Variants in NFAM1 observed in about 807,000 individuals in gnomAD.
NFAM1 encodes NFAT activating protein with ITAM motif 1.
NFAM1 carries 17 observed loss-of-function variants against 29.0 expected under a neutral mutation model. The ratio of observed to expected loss-of-function variants is 0.59; its 90% CI spans 0.40 to 0.88. NFAM1 has a LOEUF of 0.88. Among genes scored for constraint, NFAM1 ranks in the 40% least tolerant of loss-of-function variants. The pLI is 0.00. For missense variants in NFAM1, 324 were observed against 344.6 expected (o/e 0.94, Z 0.47); for synonymous variants, 175 against 147.2 (o/e 1.19, Z -1.36).
chr22:42,406,188 C>T (rs7291766), intron 3 of NFAM1, among the ~76,000 whole-genome samples: 2 of 135,424 alleles, frequency 1.5e-5, no homozygotes, highest in Non-Finnish European at 3.3e-5. Context: ...CGCCTCACCC[C>T]CCGAGGGAGC....
chr22:42,423,549 T>TTAAATAAATAAATAAATAAA (rs1569235801), intron 1 of NFAM1, among the ~76,000 whole-genome samples: 1 of 135,048 alleles, frequency 7.4e-6, no homozygotes, highest in African/African-American at 3.1e-5. Flanking sequence ...ACCCCATTTC[T>TTAAATAAATAAATAAATAAA]GAAATAAATA....
rs1334361910 is a variant in NFAM1, at chr22:42,382,485, A to C, written c.*2676T>G. On this transcript the variant is annotated 3_prime_UTR_variant, in exon 6 of 6. Transcript: ENST00000329021. The stretch of plus-strand genomic sequence containing the variant: ...AGGCCACCCAGCCTGGGTGGGTCTC[A>C]AAAGCAATTTTCTTCTCTTCCCTCC... 6.6e-6 allele frequency: 1 copy of C among 152,004 alleles called. No homozygotes were observed. Among genetic ancestry groups the C allele is most frequent in the Non-Finnish European group, 1.5e-5 (1 of 67,988 alleles). 9.4% of individuals were successfully genotyped at this position (152,004 alleles called of 1,614,324 possible). A position where few individuals can be genotyped will look rare whatever the true frequency, so the allele number is the denominator to read the frequency against.
intron 4 of NFAM1, among the ~76,000 whole-genome samples, chr22:42,394,430 G>A (rs1431992635): frequency 6.6e-6 from 1 of 152,150 alleles, no homozygotes; most frequent in Non-Finnish European, 1.5e-5. Context: ...CTGGGCTCAA[G>A]CAATCCTCCT....
Position 42,385,215 on chromosome 22 carries a change from T to A in NFAM1, c.759A>T (p.Arg253Ser), listed in dbSNP as rs1440555942. 6.2e-7 allele frequency: 1 copy of A among 1,606,582 alleles called. No individual in the cohort carries two copies. The highest frequency in any genetic ancestry group is 8.5e-7 in the Non-Finnish European group (1 of 1,173,200). ...TAKQSPLSQERPHRFEDDGEL... is the reference protein window; with the variant it reads ...TAKQSPLSQESPHRFEDDGEL... Reference sequence around the variant, plus strand: ...CGCCATCATCTTCGAATCTATGCGGTCTCTCCTGGATAGAAAAGAAGAAAG... The same window carrying A: ...CGCCATCATCTTCGAATCTATGCGGACTCTCCTGGATAGAAAAGAAGAAAG... Residue 253 changes from arginine to serine, a missense_variant, in exon 6 of 6, where the codon AGA becomes AGT. By Grantham distance (110) the Arg-to-Ser change is moderately radical. Transcript: ENST00000329021.
intron 4 of NFAM1, among the ~76,000 whole-genome samples, chr22:42,389,873 G>A (rs972202260): frequency 6.6e-6 from 1 of 152,208 alleles, no homozygotes; most frequent in Non-Finnish European, 1.5e-5. Flanking sequence ...TAGTGTCCCT[G>A]GGCCTGGACC....
chr22:42,385,260 G>T, intron 5 of NFAM1, 40 bp from the exon 6 acceptor site: 1 of 1,380,180 alleles, frequency 7.2e-7, no homozygotes, highest in Non-Finnish European at 1.0e-6. Context: ...GAGAGAAAGA[G>T]AGAGAATGAC....
At chr22:42,399,141 G>A (rs9623578) in intron 3 of NFAM1, among the ~76,000 whole-genome samples, 10 of 152,094 alleles carry the variant, frequency 6.6e-5, no homozygotes, top group East Asian at 1.9e-4. Context: ...CTGGAGGCAC[G>A]TGGAGAAGGT....
In NFAM1 at chr22:42,420,542, G is replaced by C. The variant is rs367690119; in HGVS notation, c.122-8806C>G. On this transcript the variant is annotated intron_variant, in intron 1 of 5. Coordinates refer to ENST00000329021, the MANE Select transcript of NFAM1 (RefSeq NM_145912.8). ...GCACTTTGGGAGGCCAAGGCAGGTG[G>C]ATCACTAGAGGTCAGGAGTTCAAGA... Among the ~76,000 whole-genome samples, 1,410 of 152,006 alleles carry C rather than the reference G, an allele frequency of 9.3e-3. 25 individuals are homozygous for C. Among genetic ancestry groups the C allele is most frequent in the African/African-American group, 0.032 (1,325 of 41,458 alleles).
intron 4 of NFAM1, among the ~76,000 whole-genome samples, chr22:42,392,399 T>A (rs1342600781): frequency 6.6e-6 from 1 of 150,464 alleles, no homozygotes; most frequent in Non-Finnish European, 1.5e-5. Context: ...CAATGTGGAG[T>A]CAATGGTGAC....
intron 1 of NFAM1, 35 bp downstream of exon 1, chr22:42,432,202 G>C: frequency 6.5e-7 from 1 of 1,539,770 alleles, no homozygotes; most frequent in South Asian, 1.2e-5. Context: ...GTTCTGGAGC[G>C]AGAGAGTAGA....
intron 4 of NFAM1, among the ~76,000 whole-genome samples, chr22:42,397,032 G>T (rs906555054): frequency 6.6e-6 from 1 of 150,506 alleles, no homozygotes; most frequent in Non-Finnish European, 1.5e-5. Flanking sequence ...CCACCTGGCG[G>T]TGCCAGATCT....
At chr22:42,418,482 A>G (rs1231975908) in intron 1 of NFAM1, among the ~76,000 whole-genome samples, 2 of 152,182 alleles carry the variant, frequency 1.3e-5, no homozygotes, top group Non-Finnish European at 2.9e-5. Context: ...ACATGAGGTC[A>G]GAAGTTCAAG....
intron 1 of NFAM1, among the ~76,000 whole-genome samples, chr22:42,412,291 C>A (rs1035804012): frequency 6.6e-6 from 1 of 152,128 alleles, no homozygotes; most frequent in Non-Finnish European, 1.5e-5. Context: ...TCTGCAGGTG[C>A]AGCCCCTACC....
At chr22:42,399,568 G>T (rs1929658712) in intron 3 of NFAM1, among the ~76,000 whole-genome samples, 1 of 152,144 alleles carries the variant, frequency 6.6e-6, no homozygotes, top group South Asian at 2.1e-4. Context: ...GCTGCATGAA[G>T]AGCATAGGAA....
rs562864203 is a variant in NFAM1 at position 42,409,128 on chromosome 22, C to T, written c.564+307G>A. ...AAAACCTGAGCAGGGATTCCCTAAT[C>T]TGGGGAGCTAGAAATGGTAGGCAGG... On this transcript the variant is annotated intron_variant, in intron 3 of 5. Transcript: ENST00000329021. The surrounding 1 kb of genome is among the most constrained non-coding windows in gnomAD (Gnocchi z 4.9). Among the ~76,000 whole-genome samples the T allele has an allele frequency of 1.3e-5, 2 of 152,306 alleles. No individual in the cohort carries two copies. Among genetic ancestry groups the T allele is most frequent in the South Asian group, 4.1e-4 (2 of 4,830 alleles).
intron 3 of NFAM1, among the ~76,000 whole-genome samples, chr22:42,407,899 T>TTC (rs1192207346): frequency 6.9e-6 from 1 of 145,034 alleles, no homozygotes; most frequent in African/African-American, 2.7e-5. Context: ...GCAGACAGAT[T>TTC]TCTCTTTTTT....
rs1344708104 is a variant in NFAM1, at chr22:42,385,028, G to C, written c.*133C>G. 3 of 750,038 alleles carry C rather than the reference G, an allele frequency of 4.0e-6. No homozygotes were observed. Among genetic ancestry groups the C allele is most frequent in the South Asian group, 1.5e-5 (1 of 68,836 alleles). 46.5% of individuals were successfully genotyped at this position (750,038 alleles called of 1,614,324 possible). ...CAGTGGGGCCGGCCAAGACAGGAAG[G>C]GCCTTGAATGTGAGGGTGAAATGAT... On this transcript the variant is annotated 3_prime_UTR_variant, in exon 6 of 6. Coordinates refer to ENST00000329021, the MANE Select transcript of NFAM1 (RefSeq NM_145912.8).
chr22:42,383,462 C>T lies in NFAM1; in HGVS notation c.*1699G>A, dbSNP rs1346366728. 6.5e-6 allele frequency: 1 copy of T among 152,862 alleles called. No homozygotes were observed. Among genetic ancestry groups the T allele is most frequent in the African/African-American group, 2.4e-5 (1 of 41,578 alleles). The allele number at this position is 152,862 out of a possible 1,614,324, so 9.5% of individuals were successfully genotyped here. On this transcript the variant is annotated 3_prime_UTR_variant, in exon 6 of 6. Coordinates refer to ENST00000329021, the MANE Select transcript of NFAM1 (RefSeq NM_145912.8). ...CCAGCCTCTGGGAGCAGGGGCCTTG[C>T]CACTCGGTTATGTGAGCCTGCTAAA... is the stretch of plus-strand genomic sequence containing the variant.
At chr22:42,394,626 T>C (rs1929456847) in intron 4 of NFAM1, among the ~76,000 whole-genome samples, 1 of 152,206 alleles carries the variant, frequency 6.6e-6, no homozygotes, top group Admixed American at 6.5e-5. Flanking sequence ...GGGAAGTTCA[T>C]ACTGTAAGTG....
Sources: gnomAD v4.1 joint callset for allele counts (sites outside exome capture counted in the v4.1 genomes callset) on GRCh38, gnomAD v4.1.1 for gene constraint, Gnocchi (gnomAD v3.1) non-coding constraint, MANE v1.5 for transcripts, NCBI Gene and HGNC (gene_info 2026-07-23, HGNC 2026-07-21) for gene names.